LDAH: variants seen among roughly 807,000 people sequenced by gnomAD.
LDAH encodes lipid droplet associated hydrolase.
A neutral mutation model predicts 29.6 loss-of-function variants in LDAH; 26 were observed. The observed-to-expected ratio is 0.88, with a 90% CI of 0.64 to 1.22. The LOEUF (loss-of-function observed/expected upper bound fraction) is 1.22, where lower values mean the gene tolerates loss of function less well. Ranked by LOEUF, LDAH falls within the 50% of genes most tolerant of loss-of-function variation. The pLI, the probability that LDAH is intolerant of heterozygous loss-of-function variation, is 0.00. For synonymous variants in LDAH, 117 were observed against 133.0 expected (o/e 0.88, Z 0.83); for missense variants, 344 against 387.3 (o/e 0.89, Z 0.94).
At chr2:20,727,888 A>G (rs990228659) in intron 5 of LDAH, among the ~76,000 whole-genome samples, 2 of 152,206 alleles carry the variant, frequency 1.3e-5, no homozygotes, top group African/African-American at 4.8e-5. Context: ...AATGTACACT[A>G]ACTGATGTAG....
At chr2:20,760,890 A>G (rs1668638712) in intron 4 of LDAH, among the ~76,000 whole-genome samples, 1 of 152,202 alleles carries the variant, frequency 6.6e-6, no homozygotes, top group Admixed American at 6.5e-5. Context: ...ACGTGTAGGA[A>G]TGAACATTAG....
chr2:20,755,383 A>G (rs114383210), intron 4 of LDAH, among the ~76,000 whole-genome samples: 154 of 152,260 alleles, frequency 1.0e-3, no homozygotes, highest in African/African-American at 3.4e-3. Context: ...TCCACTCTTT[A>G]TATCAAGGCA....
At chr2:20,821,696 C>A (rs1673319867) in intron 1 of LDAH, among the ~76,000 whole-genome samples, 1 of 152,068 alleles carries the variant, frequency 6.6e-6, no homozygotes, top group African/African-American at 2.4e-5. Flanking sequence ...AGCACACCAA[C>A]ATGGCACATG....
At chr2:20,737,301 A>C (rs1666857447) in intron 5 of LDAH, among the ~76,000 whole-genome samples, 1 of 152,224 alleles carries the variant, frequency 6.6e-6, no homozygotes, top group Non-Finnish European at 1.5e-5. Context: ...TAGCAGGAGA[A>C]ATAGTGGAAA....
chr2:20,685,449 C>A lies in LDAH; in HGVS notation c.*1454G>T. On this transcript the variant is annotated 3_prime_UTR_variant, in exon 7 of 7. Coordinates refer to ENST00000237822, the MANE Select transcript of LDAH (RefSeq NM_021925.4). Reference sequence around the variant, plus strand: ...CTATTAGCTCTTCCCCTTGGGCTAACAGCACTCCTTGTCTGGAGCTTGGCT... The same window carrying A: ...CTATTAGCTCTTCCCCTTGGGCTAAAAGCACTCCTTGTCTGGAGCTTGGCT... The A allele has an allele frequency of 1.4e-6, 2 of 1,464,822 alleles. No homozygotes were observed. Among genetic ancestry groups the A allele is most frequent in the South Asian group, 1.4e-5 (1 of 73,908 alleles). 90.7% of individuals were successfully genotyped at this position (1,464,822 alleles called of 1,614,324 possible). A position where few individuals can be genotyped will look rare whatever the true frequency, so the allele number is the denominator to read the frequency against.
At position 20,685,403 on chromosome 2, in the gene LDAH, C is replaced by T. The variant is rs1299088616; in HGVS notation, c.*1500G>A. 9.7e-7 allele frequency: 1 copy of T among 1,030,474 alleles called. No individual in the cohort carries two copies. Among genetic ancestry groups the T allele is most frequent in the Admixed American group, 2.8e-5 (1 of 35,822 alleles). 63.8% of individuals were successfully genotyped at this position (1,030,474 alleles called of 1,614,324 possible). ...GCCAATAAAGGATCTGTGTACAGCC[C>T]TGTGCTTACGGCCTATGTATCTATT... On this transcript the variant is annotated 3_prime_UTR_variant, in exon 7 of 7. Coordinates refer to ENST00000237822, the MANE Select transcript of LDAH (RefSeq NM_021925.4).
intron 1 of LDAH, among the ~76,000 whole-genome samples, chr2:20,815,626 T>C (rs1672795949): frequency 6.6e-6 from 1 of 152,048 alleles, no homozygotes; most frequent in African/African-American, 2.4e-5. Flanking sequence ...AAATGGCACA[T>C]TTTTCAAATG....
intron 4 of LDAH, among the ~76,000 whole-genome samples, chr2:20,758,502 GACAA>G (rs1668476057): frequency 2.0e-5 from 3 of 152,298 alleles, no homozygotes; most frequent in South Asian, 4.1e-4. Context: ...GAGGCAGGGA[GACAA>G]ACAAAAGAGT....
chr2:20,765,140 T>C (rs188087030), intron 4 of LDAH, among the ~76,000 whole-genome samples: 151 of 152,370 alleles, frequency 9.9e-4, no homozygotes, highest in Non-Finnish European at 1.6e-3. Flanking sequence ...TTTTCAAGTA[T>C]GTAGACTAAA....
intron 1 of LDAH, among the ~76,000 whole-genome samples, chr2:20,812,300 T>G (rs1261775542): frequency 6.6e-6 from 1 of 152,326 alleles, no homozygotes. Context: ...TCCTCTCCTA[T>G]TCCCTGTCCC....
intron 6 of LDAH, among the ~76,000 whole-genome samples, chr2:20,690,289 A>G (rs1452826895): frequency 6.6e-6 from 1 of 152,160 alleles, no homozygotes; most frequent in East Asian, 1.9e-4. Flanking sequence ...GAACCTCAAC[A>G]AAGAGTGGTG....
chr2:20,711,880 C>T (rs1299601838), intron 5 of LDAH, among the ~76,000 whole-genome samples: 1 of 152,218 alleles, frequency 6.6e-6, no homozygotes, highest in Non-Finnish European at 1.5e-5. Flanking sequence ...ACAAAGCGGC[C>T]AGAAAGCTCA....
Position 20,684,866 on chromosome 2 carries a change from A to G in LDAH, c.*2037T>C, listed in dbSNP as rs1229864048. 4 of 1,546,404 alleles carry G rather than the reference A, an allele frequency of 2.6e-6. No individual in the cohort carries two copies. Among genetic ancestry groups the G allele is most frequent in the Non-Finnish European group, 3.5e-6 (4 of 1,145,256 alleles). ...ATTTCTTCCACTGTTTGTCCATTTTAGTCTAATCCCTAATGAAACAGAATG... is the reference window on the plus strand; with the variant it reads ...ATTTCTTCCACTGTTTGTCCATTTTGGTCTAATCCCTAATGAAACAGAATG... On this transcript the variant is annotated 3_prime_UTR_variant, in exon 7 of 7. Transcript: ENST00000237822.
chr2:20,723,462 T>TA (rs560345477), intron 5 of LDAH, among the ~76,000 whole-genome samples: 16 of 151,730 alleles, frequency 1.1e-4, no homozygotes, highest in South Asian at 2.1e-4. Context: ...ATTCTTAAAT[T>TA]AAAAAAAAAC....
chr2:20,763,117 AG>A, intron 4 of LDAH, among the ~76,000 whole-genome samples: 1 of 152,238 alleles, frequency 6.6e-6, no homozygotes, highest in Non-Finnish European at 1.5e-5. Flanking sequence ...ACATCTTGGT[AG>A]TGCTGTTACC....
chr2:20,797,182 G>T (rs1009489630), intron 2 of LDAH, among the ~76,000 whole-genome samples: 2 of 152,184 alleles, frequency 1.3e-5, no homozygotes, highest in African/African-American at 4.8e-5. Flanking sequence ...CCTGGCAGAA[G>T]AATAGTTTAT....
intron 5 of LDAH, among the ~76,000 whole-genome samples, chr2:20,706,802 G>A (rs776520037): frequency 2.6e-5 from 4 of 152,062 alleles, no homozygotes; most frequent in South Asian, 4.1e-4. Context: ...AAAGAGAAAC[G>A]AATGAGAGGA....
intron 6 of LDAH, among the ~76,000 whole-genome samples, chr2:20,699,760 A>AC (rs1301121173): frequency 6.6e-6 from 1 of 152,014 alleles, no homozygotes; most frequent in South Asian, 2.1e-4. Context: ...TTACCATTAC[A>AC]CCCCCGTATT....
At chr2:20,765,547 C>T (rs10177589) in intron 4 of LDAH, among the ~76,000 whole-genome samples, 3,126 of 152,236 alleles carry the variant, frequency 0.021, 103 homozygotes, top group African/African-American at 0.072. Context: ...AATGATTTTG[C>T]TTTCTCACAA....
Sources: allele counts gnomAD v4.1 joint callset (sites outside exome capture counted in the v4.1 genomes callset), GRCh38; gene constraint gnomAD v4.1.1; transcripts MANE v1.5; gene names NCBI Gene and HGNC (gene_info 2026-07-23, HGNC 2026-07-21).